The following PTGER3 variants were observed in gnomAD, a reference collection of about 807,000 sequenced individuals.
The protein encoded by PTGER3 is prostaglandin E2 receptor EP3 subtype.
Under a neutral mutation model 34.7 loss-of-function variants are expected in PTGER3, and 22 were observed. That is an observed-to-expected ratio of 0.63 (90% CI 0.45 to 0.91). The LOEUF is 0.91. PTGER3 is among the 40% of genes least tolerant of loss of function. The probability of loss-of-function intolerance (pLI) is 0.00; values close to 1 mark genes in which losing one functional copy is unlikely to be tolerated. For synonymous variants in PTGER3, 241 were observed against 230.1 expected (o/e 1.05, Z -0.43); for missense variants, 468 against 519.4 (o/e 0.90, Z 0.96).
downstream of PTGER3, among the ~76,000 whole-genome samples, chr1:70,948,998 G>T (rs1361585694): frequency 1.3e-5 from 2 of 152,102 alleles, no homozygotes; most frequent in Non-Finnish European, 2.9e-5. Flanking sequence ...TTAAATATTG[G>T]ACTGGATTCA....
chr1:70,974,822 A>G (rs1370049097), intron 2 of PTGER3, among the ~76,000 whole-genome samples: 1 of 152,142 alleles, frequency 6.6e-6, no homozygotes, highest in Non-Finnish European at 1.5e-5. Flanking sequence ...ACTCTTTTCA[A>G]ACTTTTTGCC....
chr1:70,923,949 A>T (rs959680784), intron 4 of PTGER3, among the ~76,000 whole-genome samples: 2 of 152,194 alleles, frequency 1.3e-5, no homozygotes, highest in Non-Finnish European at 2.9e-5. Context: ...CTTTTCTTTA[A>T]GAAATCAAAT....
chr1:70,949,781 C>A (rs1650572223), downstream of PTGER3, among the ~76,000 whole-genome samples: 1 of 152,064 alleles, frequency 6.6e-6, no homozygotes, highest in Non-Finnish European at 1.5e-5. Context: ...ATATGATTAC[C>A]AGTAGTTACA....
intron 3 of PTGER3, 133 bp downstream of exon 3, chr1:70,974,164 T>A: frequency 7.6e-7 from 1 of 1,317,164 alleles, no homozygotes; most frequent in South Asian, 1.6e-5. Context: ...AATCTAGCAC[T>A]CTTAATCAGA....
intron 4 of PTGER3, among the ~76,000 whole-genome samples, chr1:70,932,688 C>T (rs1037215116): frequency 2.0e-5 from 3 of 152,162 alleles, no homozygotes; most frequent in Admixed American, 2.0e-4. Flanking sequence ...TATATTATCT[C>T]CCACCTGGTC....
At chr1:70,883,881 G>A in intron 4 of PTGER3, 1 of 237,624 alleles carries the variant, frequency 4.2e-6, no homozygotes, top group Non-Finnish European at 8.5e-6. Context: ...TGGCAAACAT[G>A]GTGAAACCTC....
intron 1 of PTGER3, among the ~76,000 whole-genome samples, chr1:71,021,625 CAG>C (rs1220357222): frequency 6.6e-6 from 1 of 151,740 alleles, no homozygotes; most frequent in Non-Finnish European, 1.5e-5. Flanking sequence ...GCTTAGATTT[CAG>C]AGTTTTTTCC....
intron 4 of PTGER3, among the ~76,000 whole-genome samples, chr1:70,932,611 A>G (rs1648816707): frequency 6.6e-6 from 1 of 152,076 alleles, no homozygotes; most frequent in African/African-American, 2.4e-5. Flanking sequence ...CCCTGATAAA[A>G]CCATCAGATC....
At chr1:70,880,382 CTT>C (rs57067363) in intron 4 of PTGER3, among the ~76,000 whole-genome samples, 4 of 140,272 alleles carry the variant, frequency 2.9e-5, no homozygotes, top group Admixed American at 1.4e-4. Flanking sequence ...TTTCTTTTTT[CTT>C]TTTTTTTTTT....
chr1:70,904,641 A>G (rs1254508075), intron 4 of PTGER3, among the ~76,000 whole-genome samples: 1 of 152,160 alleles, frequency 6.6e-6, no homozygotes, highest in Non-Finnish European at 1.5e-5. Context: ...TTTGAACTTG[A>G]GGAGGATGAT....
intron 2 of PTGER3, chr1:71,011,585 C>A: frequency 1.0e-6 from 1 of 984,554 alleles, no homozygotes; most frequent in African/African-American, 1.7e-5. Flanking sequence ...ATATTTCAAA[C>A]AAATGGAATT....
intron 4 of PTGER3, among the ~76,000 whole-genome samples, chr1:70,931,479 T>C (rs1648689484): frequency 6.6e-6 from 1 of 152,196 alleles, no homozygotes; most frequent in South Asian, 2.1e-4. Context: ...ACAAAGGCTC[T>C]CCATGAGGGT....
chr1:70,918,695 A>T (rs781482471), intron 4 of PTGER3, among the ~76,000 whole-genome samples: 5 of 152,016 alleles, frequency 3.3e-5, no homozygotes, highest in South Asian at 2.1e-4. Flanking sequence ...CCCAGAAAAC[A>T]TTAGAATAGG....
intron 2 of PTGER3, chr1:71,007,619 A>G: frequency 2.0e-6 from 2 of 985,380 alleles, no homozygotes; most frequent in Non-Finnish European, 2.4e-6. Flanking sequence ...CCCCACCCAC[A>G]TGAGTATCCT....
chr1:70,937,843 A>G (rs1649378058), intron 4 of PTGER3, among the ~76,000 whole-genome samples: 1 of 152,136 alleles, frequency 6.6e-6, no homozygotes, highest in Non-Finnish European at 1.5e-5. Flanking sequence ...CATCATCTGA[A>G]GCAATTGTCT....
intron 4 of PTGER3, among the ~76,000 whole-genome samples, chr1:70,897,553 T>G (rs11209709): frequency 0.3 from 45,059 of 151,914 alleles, 6,945 homozygotes; most frequent in South Asian, 0.46. Flanking sequence ...GTCTGCTGTT[T>G]CCATTCTATC....
intron 4 of PTGER3, among the ~76,000 whole-genome samples, chr1:70,880,987 C>A (rs1646379880): frequency 6.6e-6 from 1 of 152,192 alleles, no homozygotes; most frequent in Admixed American, 6.5e-5. Flanking sequence ...TGGATCATAA[C>A]CTCAAATATG....
At chr1:70,942,326 T>C (rs1649836349) in intron 4 of PTGER3, among the ~76,000 whole-genome samples, 1 of 152,192 alleles carries the variant, frequency 6.6e-6, no homozygotes. Flanking sequence ...AGAAATAAAC[T>C]TGTGTTGTGT....
intron 4 of PTGER3, among the ~76,000 whole-genome samples, chr1:70,942,915 G>A (rs1019649128): frequency 6.6e-6 from 1 of 152,126 alleles, no homozygotes; most frequent in African/African-American, 2.4e-5. Flanking sequence ...CCAACATGTT[G>A]ATTTTAGACT....
Sources: gnomAD v4.1 joint callset for allele counts (sites outside exome capture counted in the v4.1 genomes callset) on GRCh38, gnomAD v4.1.1 for gene constraint, MANE v1.5 for transcripts, NCBI Gene and HGNC (gene_info 2026-07-23, HGNC 2026-07-21) for gene names.